The following ATP6V1E2 variants were observed in gnomAD, a reference collection of about 807,000 sequenced individuals.
ATP6V1E2 encodes ATPase H+ transporting V1 subunit E2, also known as V-type proton ATPase subunit E 2.
For missense variants in ATP6V1E2, 308 were observed against 273.3 expected (o/e 1.13, Z -0.90); for synonymous variants, 121 against 104.2 (o/e 1.16, Z -0.98).
At chr2:46,513,291 C>T (rs1042119108) in intron 4 of ATP6V1E2, among the ~76,000 whole-genome samples, 9 of 152,066 alleles carry the variant, frequency 5.9e-5, no homozygotes, top group African/African-American at 1.2e-4. Context: ...TACTACTAAG[C>T]GGAAAATGGC....
At chr2:46,528,667 C>A (rs182606574) in intron 4 of ATP6V1E2, among the ~76,000 whole-genome samples, 48 of 152,332 alleles carry the variant, frequency 3.2e-4, no homozygotes, top group Non-Finnish European at 5.9e-5. Flanking sequence ...GACTGGGCAT[C>A]AGAGGTTCAG....
intron 4 of ATP6V1E2, among the ~76,000 whole-genome samples, chr2:46,524,830 C>T (rs1275685087): frequency 1.3e-5 from 2 of 152,090 alleles, no homozygotes; most frequent in East Asian, 3.8e-4. Flanking sequence ...AAGAGACTTG[C>T]AGAGGACAAT....
At chr2:46,523,799 C>G (rs1247439207) in intron 4 of ATP6V1E2, among the ~76,000 whole-genome samples, 1 of 152,028 alleles carries the variant, frequency 6.6e-6, no homozygotes, top group Non-Finnish European at 1.5e-5. Context: ...GGGAATAGCA[C>G]TGAATCTATA....
At chr2:46,527,080 G>A (rs147108380) in intron 4 of ATP6V1E2, among the ~76,000 whole-genome samples, 14 of 152,046 alleles carry the variant, frequency 9.2e-5, no homozygotes, top group Admixed American at 9.2e-4. Context: ...TTTCTTTTGT[G>A]TCTTGGCTCT....
chr2:46,520,380 G>A (rs956628329), intron 4 of ATP6V1E2, among the ~76,000 whole-genome samples: 2 of 152,202 alleles, frequency 1.3e-5, no homozygotes, highest in Non-Finnish European at 2.9e-5. Context: ...GTCCTTATAC[G>A]AGGGCTCAGA....
At chr2:46,537,061 G>A (rs1324661975) in intron 2 of ATP6V1E2, among the ~76,000 whole-genome samples, 1 of 152,166 alleles carries the variant, frequency 6.6e-6, no homozygotes, top group Non-Finnish European at 1.5e-5. Flanking sequence ...GGGATTACAG[G>A]TATAAGCCAC....
rs1667765411 is a variant in ATP6V1E2, at chr2:46,541,457, G to A, written c.-373-4C>T. On this transcript the variant is annotated splice_polypyrimidine_tract_variant and splice_region_variant and intron_variant, in intron 1 of 4. Coordinates refer to ENST00000522587, the MANE Select transcript of ATP6V1E2 (RefSeq NM_001318063.2). ...GGAGTTTGAGAGTTCAGGCCTCCTGGATAGTGAGGAACGGGAATACAACAG... is the reference window on the plus strand; with the variant it reads ...GGAGTTTGAGAGTTCAGGCCTCCTGAATAGTGAGGAACGGGAATACAACAG... 6.6e-6 allele frequency: 1 copy of A among 152,206 alleles called. No individual in the cohort carries two copies. The highest frequency in any genetic ancestry group is 1.5e-5 in the Non-Finnish European group (1 of 68,064). The allele number at this position is 152,206 out of a possible 1,614,324, so 9.4% of individuals were successfully genotyped here. A position where few individuals can be genotyped will look rare whatever the true frequency, so the allele number is the denominator to read the frequency against.
rs1358746470 is a variant in ATP6V1E2 at position 46,542,307 on chromosome 2, G to A, written c.-464C>T. 6.6e-6 allele frequency: 1 copy of A among 151,772 alleles called. No individual in the cohort carries two copies. Among genetic ancestry groups the A allele is most frequent in the Non-Finnish European group, 1.5e-5 (1 of 67,966 alleles). The allele number at this position is 151,772 out of a possible 1,614,324, so 9.4% of individuals were successfully genotyped here. ...GGCCTTCCGGGTGGAGGTGAAATAT[G>A]CATGTATAATTTGGCATGACTATTG... On this transcript the variant is annotated 5_prime_UTR_variant, in exon 1 of 5. Transcript: ENST00000522587.
chr2:46,533,746 T>C (rs1011419065), intron 4 of ATP6V1E2, among the ~76,000 whole-genome samples: 1 of 152,220 alleles, frequency 6.6e-6, no homozygotes, highest in Non-Finnish European at 1.5e-5. Context: ...GTATTGAAGA[T>C]CTTCTGGTTT....
intron 4 of ATP6V1E2, among the ~76,000 whole-genome samples, chr2:46,529,889 T>G (rs763015026): frequency 1.3e-5 from 2 of 152,090 alleles, no homozygotes; most frequent in Admixed American, 6.5e-5. Context: ...TTCTTCGAGT[T>G]GAAGGAGATG....
chr2:46,527,305 T>C (rs1413132572), intron 4 of ATP6V1E2, among the ~76,000 whole-genome samples: 1 of 152,154 alleles, frequency 6.6e-6, no homozygotes, highest in Non-Finnish European at 1.5e-5. Context: ...CACTGCAAGC[T>C]CTGCCTACCG....
At chr2:46,515,659 A>C (rs1687681850) in intron 4 of ATP6V1E2, among the ~76,000 whole-genome samples, 1 of 152,248 alleles carries the variant, frequency 6.6e-6, no homozygotes, top group Non-Finnish European at 1.5e-5. Flanking sequence ...AAATAGCAAC[A>C]GTCAGTCTTT....
rs745620973 is a variant in ATP6V1E2, at chr2:46,535,576, A to C, written c.-102+237T>G. On this transcript the variant is annotated intron_variant, in intron 4 of 4. Coordinates refer to ENST00000522587, the MANE Select transcript of ATP6V1E2 (RefSeq NM_001318063.2). The surrounding 1 kb of genome is among the most constrained non-coding windows in gnomAD (Gnocchi z 4.4). ...TAGACAACTCATGTGTACAGTTGTCACTTCTGAACCAGGAACTCAATTATA... is the reference window on the plus strand; with the variant it reads ...TAGACAACTCATGTGTACAGTTGTCCCTTCTGAACCAGGAACTCAATTATA... 4 of 152,246 alleles carry C rather than the reference A, an allele frequency of 2.6e-5. No homozygotes were observed. The highest frequency in any genetic ancestry group is 6.5e-5 in the Admixed American group (1 of 15,286). 9.4% of individuals were successfully genotyped at this position (152,246 alleles called of 1,614,324 possible).
intron 4 of ATP6V1E2, chr2:46,519,784 A>G (rs1666510208): frequency 6.6e-6 from 1 of 152,124 alleles, no homozygotes; most frequent in Non-Finnish European, 1.5e-5. Flanking sequence ...CACTACTACT[A>G]TTATTGTCCT....
intron 4 of ATP6V1E2, among the ~76,000 whole-genome samples, chr2:46,513,544 G>A (rs916204297): frequency 2.0e-5 from 3 of 152,158 alleles, no homozygotes; most frequent in African/African-American, 4.8e-5. Flanking sequence ...AAAACTTTAT[G>A]GCTGGGCGCA....
intron 2 of ATP6V1E2, among the ~76,000 whole-genome samples, chr2:46,538,180 C>T (rs1667545524): frequency 6.6e-6 from 1 of 152,164 alleles, no homozygotes; most frequent in Admixed American, 6.5e-5. Context: ...GATCTGTCTC[C>T]TCCTGGCTCT....
chr2:46,541,495 C>G (rs1667769158), intron 1 of ATP6V1E2, 42 bp from the exon 2 acceptor site: 1 of 152,182 alleles, frequency 6.6e-6, no homozygotes, highest in Non-Finnish European at 1.5e-5. Context: ...AGCATTTCCC[C>G]AAGTGTGCTC....
chr2:46,524,358 CA>C, intron 4 of ATP6V1E2, among the ~76,000 whole-genome samples: 1 of 152,160 alleles, frequency 6.6e-6, no homozygotes, highest in Admixed American at 6.5e-5. Context: ...AAAACTCAGA[CA>C]AGAAAATGAG....
At position 46,512,391 on chromosome 2, in the gene ATP6V1E2, CT is replaced by C; in HGVS notation, c.320del (p.Glu107GlyfsTer25). The C allele has an allele frequency of 6.2e-7, 1 of 1,614,112 alleles. No homozygotes were observed. Among genetic ancestry groups the C allele is most frequent in the Non-Finnish European group, 8.5e-7 (1 of 1,180,028 alleles). On this transcript the variant is annotated frameshift_variant, in exon 5 of 5. Coordinates refer to ENST00000522587, the MANE Select transcript of ATP6V1E2 (RefSeq NM_001318063.2). LOFTEE classifies it low-confidence loss of function (END_TRUNC). ...GCAGCCCCTGGTAGACCTCTGGGTC[CT>C]CCACAATCCTGCTGAGTCTCAGCTT... is the stretch of plus-strand genomic sequence containing the variant. ...EAKLRLSRIVEDPEVYQGLLD... is the reference protein window; with the variant it reads ...EAKLRLSRIVXDPEVYQGLLD...
Sources: gnomAD v4.1 joint callset for allele counts (sites outside exome capture counted in the v4.1 genomes callset) on GRCh38, gnomAD v4.1.1 for gene constraint, Gnocchi (gnomAD v3.1) non-coding constraint, MANE v1.5 for transcripts, NCBI Gene and HGNC (gene_info 2026-07-23, HGNC 2026-07-21) for gene names.